ANKS1B: variants seen among roughly 807,000 people sequenced by gnomAD.
The protein encoded by ANKS1B is ankyrin repeat and sterile alpha motif domain containing 1B.
ANKS1B carries 36 observed loss-of-function variants against 148.3 expected under a neutral mutation model. That is an observed-to-expected ratio of 0.24 (90% CI 0.19 to 0.32). The LOEUF (loss-of-function observed/expected upper bound fraction) is 0.32. Among genes scored for constraint, ANKS1B ranks in the 10% least tolerant of loss-of-function variants. The probability of loss-of-function intolerance (pLI) is 1.00; values close to 1 mark genes in which losing one functional copy is unlikely to be tolerated. For missense variants in ANKS1B, 1,157 were observed against 1,542.6 expected (o/e 0.75, Z 4.19); for synonymous variants, 542 against 560.8 (o/e 0.97, Z 0.47).
intron 17 of ANKS1B, among the ~76,000 whole-genome samples, chr12:99,031,197 A>G (rs1330864014): frequency 6.6e-6 from 1 of 152,220 alleles, no homozygotes; most frequent in Non-Finnish European, 1.5e-5. Context: ...AAATCATCTT[A>G]CACCTTCTAG....
intron 12 of ANKS1B, among the ~76,000 whole-genome samples, chr12:99,388,126 C>CT (rs1464559389): frequency 3.3e-5 from 5 of 151,924 alleles, no homozygotes; most frequent in Non-Finnish European, 7.4e-5. Flanking sequence ...ATCAGATATC[C>CT]TTTTTAAAAA....
chr12:99,886,564 T>C (rs564738679), intron 1 of ANKS1B, among the ~76,000 whole-genome samples: 2 of 152,290 alleles, frequency 1.3e-5, no homozygotes, highest in South Asian at 4.2e-4. Flanking sequence ...TATGTGTATA[T>C]ACTATGCATA....
intron 9 of ANKS1B, among the ~76,000 whole-genome samples, chr12:99,544,615 T>C (rs1003877027): frequency 6.6e-6 from 1 of 152,278 alleles, no homozygotes; most frequent in African/African-American, 2.4e-5. Context: ...AAGCATTTCA[T>C]GACAAGAGAC....
chr12:99,507,525 A>C (rs1361294960), intron 9 of ANKS1B, among the ~76,000 whole-genome samples: 1 of 151,862 alleles, frequency 6.6e-6, no homozygotes, highest in Non-Finnish European at 1.5e-5. Context: ...AGACTGTTTC[A>C]CTCTGTGAAT....
intron 15 of ANKS1B, among the ~76,000 whole-genome samples, chr12:99,138,762 A>G (rs1208707491): frequency 6.6e-5 from 10 of 152,016 alleles, no homozygotes; most frequent in Non-Finnish European, 4.4e-5. Context: ...ATCTTTGTTC[A>G]TTGTTCCATT....
chr12:99,873,556 G>A (rs1022618749), intron 1 of ANKS1B, among the ~76,000 whole-genome samples: 4 of 152,010 alleles, frequency 2.6e-5, no homozygotes, highest in Non-Finnish European at 5.9e-5. Context: ...AAAGATAGCC[G>A]TTATTTTATT....
At chr12:98,737,699 C>A (rs1042414160) in intron 9 of ANKS1B, among the ~76,000 whole-genome samples, 1 of 152,184 alleles carries the variant, frequency 6.6e-6, no homozygotes, top group African/African-American at 2.4e-5. Flanking sequence ...TAGCATATCA[C>A]CAGCATTTTA....
intron 9 of ANKS1B, among the ~76,000 whole-genome samples, chr12:99,547,550 C>T (rs1034160900): frequency 6.6e-6 from 1 of 152,092 alleles, no homozygotes; most frequent in Non-Finnish European, 1.5e-5. Context: ...TGAATCCACC[C>T]AAAGTGAGGT....
chr12:99,081,121 G>T (rs1019542420), intron 16 of ANKS1B, among the ~76,000 whole-genome samples: 2 of 152,130 alleles, frequency 1.3e-5, no homozygotes, highest in African/African-American at 4.8e-5. Flanking sequence ...GAATATTTCA[G>T]TATTAAAAAA....
chr12:99,946,418 C>A (rs187004772), intron 1 of ANKS1B, among the ~76,000 whole-genome samples: 1 of 152,266 alleles, frequency 6.6e-6, no homozygotes, highest in East Asian at 1.9e-4. Context: ...CAGATGGCCA[C>A]CTTCTCGCTG....
At chr12:99,148,428 T>C (rs77811524) in intron 15 of ANKS1B, among the ~76,000 whole-genome samples, 1 of 152,124 alleles carries the variant, frequency 6.6e-6, no homozygotes, top group East Asian at 1.9e-4. Flanking sequence ...TTTTTTTTTT[T>C]CTGAAAGCCA....
At chr12:98,848,743 G>GTTTGTTTTTTTTTTTT (rs2099500358) in intron 17 of ANKS1B, among the ~76,000 whole-genome samples, 2 of 48,090 alleles carry the variant, frequency 4.2e-5, no homozygotes, top group Admixed American at 3.3e-4. Flanking sequence ...TGTATGTGTG[G>GTTTGTTTTTTTTTTTT]TTTTTTTTTT....
chr12:99,853,836 G>A (rs995167949), intron 1 of ANKS1B, among the ~76,000 whole-genome samples: 3 of 152,028 alleles, frequency 2.0e-5, no homozygotes, highest in Non-Finnish European at 4.4e-5. Context: ...TACAGGATAT[G>A]AATGGAAAAA....
At chr12:99,012,620 C>A (rs1017815964) in intron 17 of ANKS1B, among the ~76,000 whole-genome samples, 1 of 152,124 alleles carries the variant, frequency 6.6e-6, no homozygotes, top group African/African-American at 2.4e-5. Flanking sequence ...GTTTATCATA[C>A]AGCTCAAAAT....
chr12:99,333,187 G>T (rs2152287452), intron 12 of ANKS1B, among the ~76,000 whole-genome samples: 1 of 152,188 alleles, frequency 6.6e-6, no homozygotes, highest in South Asian at 2.1e-4. Flanking sequence ...GATACTGACT[G>T]CCATGCTTTG....
chr12:99,701,198 T>C (rs949291170), intron 8 of ANKS1B, among the ~76,000 whole-genome samples: 15 of 152,284 alleles, frequency 9.9e-5, no homozygotes, highest in African/African-American at 3.6e-4. Context: ...CTGACACCAG[T>C]TGAGACACTT....
intron 9 of ANKS1B, among the ~76,000 whole-genome samples, chr12:99,554,170 A>G (rs750767106): frequency 1.3e-5 from 2 of 152,194 alleles, no homozygotes; most frequent in Non-Finnish European, 2.9e-5. Flanking sequence ...CAGCCAAAAG[A>G]GATCCAAATT....
intron 17 of ANKS1B, among the ~76,000 whole-genome samples, chr12:98,890,815 C>A (rs1003767388): frequency 1.3e-5 from 2 of 152,184 alleles, no homozygotes; most frequent in African/African-American, 4.8e-5. Flanking sequence ...CAAAACCTAG[C>A]CCCGTCCCAT....
At chr12:99,659,165 AAGAC>A (rs2098464063) in intron 8 of ANKS1B, among the ~76,000 whole-genome samples, 1 of 152,164 alleles carries the variant, frequency 6.6e-6, no homozygotes, top group South Asian at 2.1e-4. Flanking sequence ...CTGCCCCCTA[AAGAC>A]AGCATATAAA....
Sources: gnomAD v4.1 joint callset for allele counts (sites outside exome capture counted in the v4.1 genomes callset) on GRCh38, gnomAD v4.1.1 for gene constraint, MANE v1.5 for transcripts, NCBI Gene and HGNC (gene_info 2026-07-23, HGNC 2026-07-21) for gene names.